Variants in THTPA observed in about 807,000 individuals in gnomAD.
THTPA encodes thiamine triphosphatase, also known as thiamine-triphosphatase.
THTPA carries 16 observed loss-of-function variants against 16.5 expected under a neutral mutation model. The observed-to-expected ratio is 0.97, with a 90% CI of 0.66 to 1.47. The LOEUF is 1.47. THTPA is among the 40% of genes most tolerant of loss of function. The pLI, the probability that THTPA is intolerant of heterozygous loss-of-function variation, is 0.00. For missense variants in THTPA, 281 were observed against 280.9 expected (o/e 1.00, Z 0.00); for synonymous variants, 110 against 115.5 (o/e 0.95, Z 0.30).
Position 23,556,458 on chromosome 14 carries a change from ACACCCGCT to A in THTPA, c.-299_-292del. On this transcript the variant is annotated 5_prime_UTR_variant, in exon 1 of 2. Transcript: ENST00000288014. ...GTGTAGAGAGGGGGGCGTTGAAAGG[ACACCCGCT>A]ACCCGGCCTGCTTTCTAGGGGTCTC... is the stretch of plus-strand genomic sequence containing the variant. 25 of 357,674 alleles carry A rather than the reference ACACCCGCT, an allele frequency of 7.0e-5. No individual in the cohort carries two copies. The highest frequency in any genetic ancestry group is 4.0e-4 in the South Asian group (8 of 20,114). The allele number at this position is 357,674 out of a possible 1,614,324, so 22.2% of individuals were successfully genotyped here.
chr14:23,560,177 C>A lies in THTPA; in HGVS notation c.*1337C>A. On this transcript the variant is annotated 3_prime_UTR_variant, in exon 2 of 2. Transcript: ENST00000288014. ...ATGACTCAATCCCATCTCACACTGT[C>A]TCCCACCCACCTCCTCCACTTAGTG... 6.4e-7 allele frequency: 1 copy of A among 1,555,576 alleles called. No individual in the cohort carries two copies. The highest frequency in any genetic ancestry group is 1.2e-5 in the South Asian group (1 of 86,134).
At chr14:23,525,088 G>A in the THTPA span, 1 of 1,536,178 alleles carries the variant, frequency 6.5e-7, no homozygotes, top group Middle Eastern at 1.7e-4. The surrounding 1 kb of genome is among the most constrained non-coding windows in gnomAD (Gnocchi z 5.9). Flanking sequence ...CTTTGGGGTA[G>A]GCGCTAGTCT....
the THTPA span, chr14:23,524,265 C>T: frequency 6.5e-7 from 1 of 1,536,372 alleles, no homozygotes; most frequent in Admixed American, 2.0e-5. This position sits in a 1 kb window ranked among gnomAD's most constrained non-coding sequence, Gnocchi z 5.6. Flanking sequence ...AGCCCCACCT[C>T]CTCGGAGATG....
chr14:23,551,104 C>T (rs962418743), upstream of THTPA, among the ~76,000 whole-genome samples: 4 of 151,872 alleles, frequency 2.6e-5, no homozygotes, highest in South Asian at 2.1e-4. The surrounding 1 kb of genome is among the most constrained non-coding windows in gnomAD (Gnocchi z 5.3). Context: ...CCCCCATCCT[C>T]GCGCACGCCC....
chr14:23,516,159 G>A, the THTPA span, among the ~76,000 whole-genome samples: 24,794 of 152,114 alleles, frequency 0.16, 2,233 homozygotes, highest in Non-Finnish European at 0.2. Context: ...GGAGTTTCTG[G>A]TTCAGTTGGT....
the THTPA span, among the ~76,000 whole-genome samples, chr14:23,536,837 A>C: frequency 1.3e-5 from 2 of 152,162 alleles, no homozygotes; most frequent in Admixed American, 1.3e-4. Flanking sequence ...ACTCCAAAGG[A>C]CTAGAAATGA....
chr14:23,527,534 G>C, the THTPA span: 1 of 1,516,650 alleles, frequency 6.6e-7, no homozygotes, highest in Non-Finnish European at 8.8e-7. Context: ...GAATACCCCT[G>C]CCTCTTCCTC....
the THTPA span, chr14:23,523,576 C>T: frequency 3.2e-6 from 5 of 1,544,254 alleles, no homozygotes; most frequent in Non-Finnish European, 4.3e-6. This position sits in a 1 kb window ranked among gnomAD's most constrained non-coding sequence, Gnocchi z 4.1. Context: ...GTAGTTTGGC[C>T]TTCTTTTCCT....
the THTPA span, among the ~76,000 whole-genome samples, chr14:23,537,357 C>G: frequency 6.6e-6 from 1 of 152,060 alleles, no homozygotes; most frequent in Non-Finnish European, 1.5e-5. Flanking sequence ...ATTAGCAGAT[C>G]TCTAGTGATT....
At chr14:23,528,818 G>A in the THTPA span, 1 of 985,280 alleles carries the variant, frequency 1.0e-6, no homozygotes, top group East Asian at 1.1e-4. Context: ...GAGGCTGCCA[G>A]AGGCCCCACC....
At chr14:23,519,213 T>C in the THTPA span, among the ~76,000 whole-genome samples, 1 of 152,314 alleles carries the variant, frequency 6.6e-6, no homozygotes, top group East Asian at 1.9e-4. Flanking sequence ...TAGTTCAAAC[T>C]GAAGTTGGCT....
chr14:23,558,092 C>CA (rs937351085), intron 1 of THTPA, among the ~76,000 whole-genome samples: 1 of 152,250 alleles, frequency 6.6e-6, no homozygotes, highest in Admixed American at 6.5e-5. Context: ...TACAGCCCTG[C>CA]AGTGCTGTTT....
At chr14:23,526,780 C>G in the THTPA span, 10 of 1,527,538 alleles carry the variant, frequency 6.5e-6, no homozygotes, top group South Asian at 1.2e-4. Context: ...CAGTCATCTT[C>G]AGACCTTGTT....
chr14:23,534,119 G>A, the THTPA span: 2 of 1,485,456 alleles, frequency 1.3e-6, no homozygotes, highest in African/African-American at 1.4e-5. The surrounding 1 kb of genome is among the most constrained non-coding windows in gnomAD (Gnocchi z 4.5). Context: ...ACTGGGGCAG[G>A]GAGAGTGCCC....
the THTPA span, among the ~76,000 whole-genome samples, chr14:23,516,384 A>G: frequency 2.0e-5 from 3 of 152,050 alleles, no homozygotes; most frequent in East Asian, 5.8e-4. Context: ...GGGTGTGTGT[A>G]TGCGTTTTGG....
chr14:23,553,826 G>A (rs1882146721), upstream of THTPA, among the ~76,000 whole-genome samples: 1 of 151,854 alleles, frequency 6.6e-6, no homozygotes, highest in South Asian at 2.1e-4. Flanking sequence ...CCCTGGAGGC[G>A]GAGCTTGCAG....
At chr14:23,517,564 G>A in the THTPA span, among the ~76,000 whole-genome samples, 2 of 152,250 alleles carry the variant, frequency 1.3e-5, no homozygotes, top group Non-Finnish European at 2.9e-5. Flanking sequence ...CTGGCCATTC[G>A]CAGAAGTTTA....
At chr14:23,527,749 G>A in the THTPA span, 1 of 1,536,120 alleles carries the variant, frequency 6.5e-7, no homozygotes, top group Non-Finnish European at 8.7e-7. Flanking sequence ...GAGTGTATGA[G>A]CCCTCACCTG....
the THTPA span, chr14:23,534,354 G>A: frequency 3.3e-6 from 5 of 1,536,676 alleles, no homozygotes; most frequent in East Asian, 2.4e-5. This position sits in a 1 kb window ranked among gnomAD's most constrained non-coding sequence, Gnocchi z 4.5. Flanking sequence ...CCTCAGGGGG[G>A]CCATCCTCTG....
Sources: gnomAD v4.1 joint callset for allele counts (sites outside exome capture counted in the v4.1 genomes callset) on GRCh38, gnomAD v4.1.1 for gene constraint, Gnocchi (gnomAD v3.1) non-coding constraint, MANE v1.5 for transcripts, NCBI Gene and HGNC (gene_info 2026-07-23, HGNC 2026-07-21) for gene names.